The following DTNB variants were observed in gnomAD, a reference collection of about 807,000 sequenced individuals.
DTNB encodes dystrobrevin beta.
A neutral mutation model predicts 90.7 loss-of-function variants in DTNB; 63 were observed. That is an observed-to-expected ratio of 0.69 (90% CI 0.57 to 0.86). DTNB has a LOEUF of 0.86. Among genes scored for constraint, DTNB ranks in the 40% least tolerant of loss-of-function variants. DTNB has a pLI of 0.00. For missense variants in DTNB, 744 were observed against 807.1 expected (o/e 0.92, Z 0.95); for synonymous variants, 277 against 286.7 (o/e 0.97, Z 0.34).
At chr2:25,611,713 C>T (rs771840203) in intron 4 of DTNB, among the ~76,000 whole-genome samples, 5 of 152,266 alleles carry the variant, frequency 3.3e-5, no homozygotes, top group Middle Eastern at 3.4e-3. Flanking sequence ...GTGGCGCATG[C>T]CTGTAGTACC....
At chr2:25,553,688 T>G (rs1259122809) in intron 8 of DTNB, among the ~76,000 whole-genome samples, 1 of 137,144 alleles carries the variant, frequency 7.3e-6, no homozygotes, top group East Asian at 2.1e-4. Flanking sequence ...TGCAGTGAGC[T>G]GAGATGGCGC....
At chr2:25,571,956 G>A (rs765790923) in intron 8 of DTNB, among the ~76,000 whole-genome samples, 2 of 152,216 alleles carry the variant, frequency 1.3e-5, no homozygotes, top group African/African-American at 2.4e-5. Flanking sequence ...AAAGGAAACC[G>A]TGGATACTAC....
rs78897868 is a variant in DTNB at position 25,577,512 on chromosome 2, GA to G, written c.710-509del. On this transcript the variant is annotated intron_variant, in intron 7 of 20. Coordinates refer to ENST00000406818, the MANE Select transcript of DTNB (RefSeq NM_021907.5). The stretch of plus-strand genomic sequence containing the variant: ...TGCTAGTCTAACTAGCCATTTACTA[GA>G]AAAAAAAAAAAGATTTAATACATCA... Among the ~76,000 whole-genome samples the G allele has an allele frequency of 7.9e-3, 1,014 of 127,582 alleles. 4 individuals are homozygous for G. Among genetic ancestry groups the G allele is most frequent in the Non-Finnish European group, 9.4e-3 (552 of 58,690 alleles). 83.7% of individuals were successfully genotyped at this position (127,582 alleles called of 152,430 possible).
At chr2:25,440,748 A>G (rs1057326865) in intron 12 of DTNB, among the ~76,000 whole-genome samples, 2 of 152,238 alleles carry the variant, frequency 1.3e-5, no homozygotes, top group Non-Finnish European at 2.9e-5. Context: ...AACTAGGTTA[A>G]ACAGTTACAA....
intron 1 of DTNB, among the ~76,000 whole-genome samples, chr2:25,654,693 A>G (rs1184434717): frequency 2.6e-5 from 4 of 152,250 alleles, no homozygotes; most frequent in Non-Finnish European, 5.9e-5. Context: ...TCAAATGGAC[A>G]TAATGGGGAT....
chr2:25,645,371 G>A (rs1462393644), intron 2 of DTNB, among the ~76,000 whole-genome samples: 12 of 141,438 alleles, frequency 8.5e-5, no homozygotes, highest in African/African-American at 1.5e-4. Flanking sequence ...AAAAAAAAAA[G>A]AAAAAAAAAG....
chr2:25,615,762 T>C (rs2070209886), intron 4 of DTNB, among the ~76,000 whole-genome samples: 1 of 152,108 alleles, frequency 6.6e-6, no homozygotes, highest in Non-Finnish European at 1.5e-5. Context: ...ATTTCGCAAA[T>C]CCCAATTGAA....
At chr2:25,464,594 C>G (rs1160520567) in intron 10 of DTNB, among the ~76,000 whole-genome samples, 2 of 152,178 alleles carry the variant, frequency 1.3e-5, no homozygotes, top group Non-Finnish European at 2.9e-5. Context: ...ATTCCTCACC[C>G]CTGCCCTTGA....
intron 16 of DTNB, among the ~76,000 whole-genome samples, chr2:25,413,666 TGTTGGTTCCAAGTCTTTGGACATTTGG>T (rs1360128012): frequency 8.2e-4 from 125 of 152,334 alleles, no homozygotes; most frequent in African/African-American, 2.7e-3. Flanking sequence ...AGTCTATCAT[TGTTGGTTCCAAGTCTTTGGACATTTGG>T]GTTGGTTCCA....
chr2:25,594,384 T>C (rs1402417847), intron 6 of DTNB, among the ~76,000 whole-genome samples: 1 of 152,240 alleles, frequency 6.6e-6, no homozygotes, highest in African/African-American at 2.4e-5. Flanking sequence ...TTGGGAAGAA[T>C]ATCTCCTCAG....
intron 9 of DTNB, among the ~76,000 whole-genome samples, chr2:25,494,181 A>T (rs919810940): frequency 6.6e-6 from 1 of 152,160 alleles, no homozygotes; most frequent in African/African-American, 2.4e-5. Context: ...ACTACTACTC[A>T]TGGTGGTATT....
At chr2:25,578,288 G>T (rs370867557) in intron 7 of DTNB, among the ~76,000 whole-genome samples, 16 of 152,234 alleles carry the variant, frequency 1.1e-4, no homozygotes, top group South Asian at 6.2e-4. Context: ...AAGAAATTCA[G>T]TTTTTTGCCA....
intron 11 of DTNB, among the ~76,000 whole-genome samples, chr2:25,454,821 G>A (rs1211717186): frequency 6.6e-6 from 1 of 152,138 alleles, no homozygotes; most frequent in Non-Finnish European, 1.5e-5. Flanking sequence ...TATAATACAT[G>A]TAACTATTAT....
intron 12 of DTNB, among the ~76,000 whole-genome samples, chr2:25,439,973 C>T (rs899992025): frequency 5.3e-5 from 8 of 152,130 alleles, no homozygotes; most frequent in Non-Finnish European, 7.4e-5. Flanking sequence ...ACACATGGTT[C>T]TGGGGTTTAA....
At chr2:25,430,332 G>A (rs1009689860) in intron 14 of DTNB, among the ~76,000 whole-genome samples, 1 of 152,036 alleles carries the variant, frequency 6.6e-6, no homozygotes, top group African/African-American at 2.4e-5. Flanking sequence ...CATTTCCAGT[G>A]CAGTAGACCC....
rs865861042 is a variant in DTNB, at chr2:25,634,054, G to A, written c.148+4960C>T. Among the ~76,000 whole-genome samples the A allele has an allele frequency of 3.9e-5, 6 of 152,042 alleles. No individual in the cohort carries two copies. The East Asian group carries it at 5.8e-4, about 15-fold the overall frequency. ...TGGGAAGTTAGGAGCGTCTACGCCC[G>A]GCAGCCAGGAGGGAGGTGGGGGGGT... is the stretch of plus-strand genomic sequence containing the variant. On this transcript the variant is annotated intron_variant, in intron 3 of 20. Transcript: ENST00000406818.
chr2:25,386,144 G>C (rs1483168553), intron 18 of DTNB: 9 of 981,720 alleles, frequency 9.2e-6, no homozygotes, highest in Non-Finnish European at 1.1e-5. Context: ...CATCAAACAA[G>C]AGAGGCAGCG....
intron 16 of DTNB, among the ~76,000 whole-genome samples, chr2:25,416,320 T>C (rs1320852917): frequency 6.6e-6 from 1 of 152,204 alleles, no homozygotes; most frequent in Non-Finnish European, 1.5e-5. Flanking sequence ...ACAGAGCCAG[T>C]TTTGGGAAGC....
intron 9 of DTNB, among the ~76,000 whole-genome samples, chr2:25,502,539 G>A (rs1010626186): frequency 6.6e-6 from 1 of 151,746 alleles, no homozygotes; most frequent in Non-Finnish European, 1.5e-5. Flanking sequence ...CCCAGGAGGT[G>A]AAGACCAGCC....
Sources: gnomAD v4.1 joint callset for allele counts (sites outside exome capture counted in the v4.1 genomes callset) on GRCh38, gnomAD v4.1.1 for gene constraint, MANE v1.5 for transcripts, NCBI Gene and HGNC (gene_info 2026-07-23, HGNC 2026-07-21) for gene names.